GSE1: variants seen among roughly 807,000 people sequenced by gnomAD.
GSE1 encodes genetic suppressor element 1.
In GSE1, 32 loss-of-function variants were observed where a neutral mutation model predicts 112.6. The observed-to-expected ratio is 0.28, with a 90% CI of 0.21 to 0.38. The LOEUF (loss-of-function observed/expected upper bound fraction) is 0.38. Ranked by LOEUF, GSE1 falls within the 10% of genes least tolerant of loss-of-function variation. The probability of loss-of-function intolerance (pLI) is 1.00; values close to 1 mark genes in which losing one functional copy is unlikely to be tolerated. For missense variants in GSE1, 2,348 were observed against 1,699.2 expected (o/e 1.38, Z -6.71); for synonymous variants, 1,115 against 735.6 (o/e 1.52, Z -8.35).
At chr16:85,614,566 C>T (rs1043527094) in intron 1 of GSE1, among the ~76,000 whole-genome samples, 9 of 152,222 alleles carry the variant, frequency 5.9e-5, no homozygotes, top group Admixed American at 1.3e-4. Context: ...GGAGTGGAGG[C>T]TGCGCCCTTT....
chr16:85,477,178 C>A lies in GSE1; in HGVS notation c.2464+119535C>A, dbSNP rs145087993. On this transcript the variant is annotated intron_variant, in intron 2 of 2. Coordinates refer to the GSE1 transcript ENST00000637419. ...CCGCCTGCCTTGGCCTCCCAAAGTG[C>A]TGGGATGTATATGTGGTTCTTGATT... 4.4e-4 allele frequency among the ~76,000 whole-genome samples: 67 copies of A among 152,114 alleles called. No individual in the cohort carries two copies. In the East Asian group the frequency reaches 0.012, roughly 27 times the overall value.
intron 2 of GSE1, among the ~76,000 whole-genome samples, chr16:85,382,400 G>A (rs1021200509): frequency 3.3e-5 from 5 of 152,198 alleles, no homozygotes; most frequent in Non-Finnish European, 7.3e-5. Flanking sequence ...CTGGACGAGG[G>A]CTCCTCTGTT....
chr16:85,669,435 A>G (rs1052577054), intron 14 of GSE1, among the ~76,000 whole-genome samples: 1 of 151,894 alleles, frequency 6.6e-6, no homozygotes, highest in Admixed American at 6.6e-5. Flanking sequence ...AGTCAGGAAA[A>G]GTATTCTCCA....
chr16:85,252,767 G>A (rs559315920), intron 1 of GSE1, among the ~76,000 whole-genome samples: 3 of 152,338 alleles, frequency 2.0e-5, no homozygotes, highest in African/African-American at 7.2e-5. Flanking sequence ...CACCTGCCCC[G>A]AGTTACAGGT....
chr16:85,558,794 G>C (rs1478273418), intron 1 of GSE1, among the ~76,000 whole-genome samples: 1 of 152,218 alleles, frequency 6.6e-6, no homozygotes, highest in Non-Finnish European at 1.5e-5. Flanking sequence ...GAAGAACTAT[G>C]GTCAGGGAGT....
intron 1 of GSE1, among the ~76,000 whole-genome samples, chr16:85,630,019 G>C (rs1361734839): frequency 6.6e-6 from 1 of 152,200 alleles, no homozygotes; most frequent in Non-Finnish European, 1.5e-5. Flanking sequence ...GATGTTGGCT[G>C]GGGCTGCGGT....
At chr16:85,294,130 C>T (rs2045297458) in intron 1 of GSE1, among the ~76,000 whole-genome samples, 1 of 152,212 alleles carries the variant, frequency 6.6e-6, no homozygotes, top group Non-Finnish European at 1.5e-5. Context: ...GCCAGGTGGC[C>T]TGTTCCAGCT....
At chr16:85,223,978 T>C (rs946885750) in intron 1 of GSE1, among the ~76,000 whole-genome samples, 1 of 152,020 alleles carries the variant, frequency 6.6e-6, no homozygotes, top group Non-Finnish European at 1.5e-5. Flanking sequence ...AACCACCACT[T>C]CCCTCCATTT....
At chr16:85,177,549 G>A (rs1363032354) in intron 1 of GSE1, among the ~76,000 whole-genome samples, 3 of 152,194 alleles carry the variant, frequency 2.0e-5, no homozygotes, top group Non-Finnish European at 4.4e-5. Flanking sequence ...CCGTCAAAGT[G>A]ACAGGACTGG....
At chr16:85,297,325 T>C (rs1367478438) in intron 1 of GSE1, among the ~76,000 whole-genome samples, 1 of 150,402 alleles carries the variant, frequency 6.6e-6, no homozygotes, top group Non-Finnish European at 1.5e-5. Flanking sequence ...CGCCGAAGGG[T>C]AGGGGCAGCA....
chr16:85,377,534 T>C (rs899157792), intron 2 of GSE1, among the ~76,000 whole-genome samples: 12 of 152,170 alleles, frequency 7.9e-5, no homozygotes, highest in African/African-American at 2.4e-4. Flanking sequence ...TGATAGAATA[T>C]GTGGTAGGGC....
rs1400180286 is a variant in GSE1 at position 85,449,325 on chromosome 16, G to A, written c.2464+91682G>A. Among the ~76,000 whole-genome samples the A allele has an allele frequency of 2.6e-5, 4 of 152,222 alleles. No individual in the cohort carries two copies. The East Asian group carries it at 7.7e-4, about 29-fold the overall frequency. ...ACTTTTCTGGATGGTTCTGGGCCTGGAAGGGCCCAGAAAAACAAAGCCAAG... is the reference window on the plus strand; with the variant it reads ...ACTTTTCTGGATGGTTCTGGGCCTGAAAGGGCCCAGAAAAACAAAGCCAAG... On this transcript the variant is annotated intron_variant, in intron 2 of 2. Coordinates refer to the GSE1 transcript ENST00000637419.
chr16:85,248,397 C>G (rs1220703613), intron 1 of GSE1, among the ~76,000 whole-genome samples: 2 of 151,908 alleles, frequency 1.3e-5, no homozygotes, highest in Non-Finnish European at 2.9e-5. Flanking sequence ...TTTCCCTCTT[C>G]TTTCTGTTTC....
At chr16:85,466,364 G>T (rs984167345) in intron 2 of GSE1, among the ~76,000 whole-genome samples, 8 of 152,202 alleles carry the variant, frequency 5.3e-5, no homozygotes, top group Non-Finnish European at 1.0e-4. Flanking sequence ...TGGGGAGTGG[G>T]CAGGGGCTGT....
rs1218747522 is a variant in GSE1 at position 85,663,517 on chromosome 16, C to T, written c.2547C>T (p.Tyr849=). The T allele has an allele frequency of 2.5e-6, 4 of 1,613,966 alleles. No homozygotes were observed. Among genetic ancestry groups the T allele is most frequent in the Non-Finnish European group, 3.4e-6 (4 of 1,180,018 alleles). The part of the protein sequence containing the change: ...PSPRLALSTR[Y]SPDEMNNSPN... Reference sequence around the variant, plus strand: ...CGAGACTGGCGCTGTCTACCCGCTACAGCCCTGATGAGATGAACAACAGTC... The same window carrying T: ...CGAGACTGGCGCTGTCTACCCGCTATAGCCCTGATGAGATGAACAACAGTC... Residue 849 remains tyrosine (Y), a synonymous_variant, in exon 11 of 16, where the codon TAC becomes TAT. Coordinates refer to ENST00000253458, the MANE Select transcript of GSE1 (RefSeq NM_014615.5).
intron 2 of GSE1, among the ~76,000 whole-genome samples, chr16:85,541,549 C>G (rs1166190642): frequency 6.6e-6 from 1 of 152,252 alleles, no homozygotes; most frequent in Non-Finnish European, 1.5e-5. Flanking sequence ...TCTTGCCCAG[C>G]AGACCCCTGC....
intron 1 of GSE1, among the ~76,000 whole-genome samples, chr16:85,566,862 G>A (rs1302172051): frequency 6.6e-6 from 1 of 152,216 alleles, no homozygotes; most frequent in African/African-American, 2.4e-5. Flanking sequence ...AGAATGGCGG[G>A]GTCTTAATTG....
chr16:85,480,903 G>A (rs1056685138), intron 2 of GSE1, among the ~76,000 whole-genome samples: 6 of 152,186 alleles, frequency 3.9e-5, no homozygotes, highest in Admixed American at 2.6e-4. Context: ...TGGGCTCCAC[G>A]CTGAGCAAGC....
At chr16:85,670,758 T>G in intron 14 of GSE1, 2 of 313,088 alleles carry the variant, frequency 6.4e-6, no homozygotes, top group East Asian at 5.3e-5. Flanking sequence ...CAAATTGCCT[T>G]TAGGTCCTGG....
Sources: allele counts gnomAD v4.1 joint callset (sites outside exome capture counted in the v4.1 genomes callset), GRCh38; gene constraint gnomAD v4.1.1; transcripts MANE v1.5; gene names NCBI Gene and HGNC (gene_info 2026-07-23, HGNC 2026-07-21).